Variants in SAMD9L observed in about 807,000 individuals in gnomAD.
SAMD9L encodes the protein sterile alpha motif domain containing 9 like.
SAMD9L carries 68 observed loss-of-function variants against 90.7 expected under a neutral mutation model. The ratio of observed to expected loss-of-function variants is 0.75; its 90% CI spans 0.62 to 0.92. The LOEUF (loss-of-function observed/expected upper bound fraction) is 0.92, where lower values mean the gene tolerates loss of function less well. Among genes scored for constraint, SAMD9L ranks in the 40% least tolerant of loss-of-function variants. The probability of loss-of-function intolerance (pLI) is 0.00; values close to 1 mark genes in which losing one functional copy is unlikely to be tolerated. For missense variants in SAMD9L, 1,604 were observed against 1,824.3 expected (o/e 0.88, Z 2.20); for synonymous variants, 640 against 630.1 (o/e 1.02, Z -0.23).
chr7:93,135,315 A>C lies in SAMD9L; in HGVS notation c.657T>G (p.Asn219Lys). The C allele has an allele frequency of 6.2e-7, 1 of 1,614,134 alleles. No individual in the cohort carries two copies. Among genetic ancestry groups the C allele is most frequent in the Non-Finnish European group, 8.5e-7 (1 of 1,179,996 alleles). The change falls in exon 5 of 5, where the codon AAT becomes AAG. Residue 219 changes from asparagine to lysine, a missense_variant. By Grantham distance (94) the Asn-to-Lys change is moderately conservative. This residue lies in a region of SAMD9L where 374 missense variants were observed against 363.6 expected (regional missense o/e 1.03). Coordinates refer to ENST00000318238, the MANE Select transcript of SAMD9L (RefSeq NM_152703.5). ...AAGCTGATGCAAATCGGAAGACTTC[A>C]TTGCTGAATTTCATCTTAATGTCCA... ...TEVDIKMKFSNEVFRFASACM... is the reference protein window; with the variant it reads ...TEVDIKMKFSKEVFRFASACM...
At chr7:93,147,814 C>T (rs142820223) in intron 1 of SAMD9L, among the ~76,000 whole-genome samples, 37 of 152,264 alleles carry the variant, frequency 2.4e-4, no homozygotes, top group African/African-American at 7.2e-4. Context: ...TAACATCTTA[C>T]GTTATGAAGA....
chr7:93,133,607 C>T lies in SAMD9L; in HGVS notation c.2365G>A (p.Ala789Thr). The part of the protein sequence containing the change: ...EQVINLVTYR[A>T]KSHQDYIPVL... ...GGAATGTAATCCTGATGGCTCTTTG[C>T]CCTATAGGTGACCAGATTGATCACT... Residue 789 changes from alanine (A) to threonine (T), a missense_variant, in exon 5 of 5, where the codon GCA becomes ACA. Physicochemically the swap from Ala to Thr is moderately conservative, Grantham distance 58 (BLOSUM62 0). This residue lies in a region of SAMD9L where 606 missense variants were observed against 717.6 expected (regional missense o/e 0.84). Coordinates refer to ENST00000318238, the MANE Select transcript of SAMD9L (RefSeq NM_152703.5). 1.2e-6 allele frequency: 2 copies of T among 1,613,750 alleles called. No homozygotes were observed. Among genetic ancestry groups the T allele is most frequent in the Non-Finnish European group, 1.7e-6 (2 of 1,179,826 alleles).
intron 4 of SAMD9L, among the ~76,000 whole-genome samples, chr7:93,138,832 G>T (rs1792565539): frequency 6.6e-6 from 1 of 152,142 alleles, no homozygotes; most frequent in Admixed American, 6.5e-5. Context: ...CTCTGCCGAG[G>T]CCCTAAGTGT....
chr7:93,131,787 G>T lies in SAMD9L; in HGVS notation c.4185C>A (p.Pro1395=). ...TAAGTGGTTGAATTAACTTGGAGTT[G>T]GGCTTTAGACAACTCAGAATAATGT... ...LANIILSCLK[P]NSKLIQPLTT... The change falls in exon 5 of 5, where the codon CCC becomes CCA. Residue 1395 remains proline (P), a synonymous_variant. Coordinates refer to ENST00000318238, the MANE Select transcript of SAMD9L (RefSeq NM_152703.5). The T allele has an allele frequency of 6.2e-7, 1 of 1,613,372 alleles. No individual in the cohort carries two copies. The highest frequency in any genetic ancestry group is 8.5e-7 in the Non-Finnish European group (1 of 1,179,780).
chr7:93,134,939 C>T lies in SAMD9L; in HGVS notation c.1033G>A (p.Glu345Lys). ...AGGATATCCCTAGAGCTAGCCCCTT[C>T]TCTTACAAACAGTGAAAGATTTTGG... Reference protein sequence around the residue: ...QNQNLSLFVREGASSRDILAN... With the variant: ...QNQNLSLFVRKGASSRDILAN... Residue 345 changes from glutamate to lysine, a missense_variant, in exon 5 of 5, where the codon GAA (glutamate) becomes AAA (lysine). Around this residue, in one of 7 missense-constraint regions of SAMD9L, gnomAD observed 374 missense variants for 363.6 expected, o/e 1.03. Coordinates refer to ENST00000318238, the MANE Select transcript of SAMD9L (RefSeq NM_152703.5). The T allele has an allele frequency of 6.2e-7, 1 of 1,613,728 alleles. No homozygotes were observed. Among genetic ancestry groups the T allele is most frequent in the Non-Finnish European group, 8.5e-7 (1 of 1,179,680 alleles).
chr7:93,137,409 T>C (rs1792498775), intron 4 of SAMD9L, among the ~76,000 whole-genome samples: 1 of 152,086 alleles, frequency 6.6e-6, no homozygotes, highest in African/African-American at 2.4e-5. Flanking sequence ...TGCACACTCC[T>C]TATGAGAATC....
intron 1 of SAMD9L, among the ~76,000 whole-genome samples, chr7:93,147,728 T>C (rs1476499273): frequency 2.0e-5 from 3 of 152,226 alleles, no homozygotes; most frequent in Non-Finnish European, 4.4e-5. Flanking sequence ...ATAAGATGTA[T>C]GTGAATGAAA....
chr7:93,137,814 G>A (rs1411828290), intron 4 of SAMD9L, among the ~76,000 whole-genome samples: 1 of 146,170 alleles, frequency 6.8e-6, no homozygotes, highest in East Asian at 2.0e-4. Flanking sequence ...AACCATCTGT[G>A]CTTGGAGCTT....
In SAMD9L at chr7:93,135,735, G is replaced by A; in HGVS notation, c.237C>T (p.Ser79=). 6.2e-7 allele frequency: 1 copy of A among 1,613,968 alleles called. No homozygotes were observed. Among genetic ancestry groups the A allele is most frequent in the Non-Finnish European group, 8.5e-7 (1 of 1,179,984 alleles). The change falls in exon 5 of 5, where the codon TCC becomes TCT. Residue 79 remains serine (S), a synonymous_variant. Coordinates refer to ENST00000318238, the MANE Select transcript of SAMD9L (RefSeq NM_152703.5). ...KRSYNKLNSK[S]PESDNHDPGQ... Reference sequence around the variant, plus strand: ...CCGGATCATGATTGTCACTTTCAGGGGACTTACTATTCAATTTGTTGTATG... The same window carrying A: ...CCGGATCATGATTGTCACTTTCAGGAGACTTACTATTCAATTTGTTGTATG...
At chr7:93,137,928 C>G (rs749991166) in intron 4 of SAMD9L, among the ~76,000 whole-genome samples, 10 of 152,016 alleles carry the variant, frequency 6.6e-5, no homozygotes, top group Non-Finnish European at 1.5e-4. Context: ...AGGAAACTTG[C>G]ACTACACATT....
At chr7:93,146,731 G>A (rs919516772) in intron 2 of SAMD9L, among the ~76,000 whole-genome samples, 152 bp downstream of exon 2, 1 of 152,168 alleles carries the variant, frequency 6.6e-6, no homozygotes, top group Non-Finnish European at 1.5e-5. Context: ...TCTCTTTACT[G>A]TGCTACCCGT....
rs1225457037 is a variant in SAMD9L, at chr7:93,133,195, G to A, written c.2777C>T (p.Ala926Val). 3.1e-6 allele frequency: 5 copies of A among 1,613,384 alleles called. No homozygotes were observed. The highest frequency in any genetic ancestry group is 4.5e-5 in the East Asian group (2 of 44,832). Residue 926 changes from alanine to valine, a missense_variant, in exon 5 of 5, where the codon GCT (alanine) becomes GTT (valine). Physicochemically the swap from Ala to Val is moderately conservative, Grantham distance 64. Coordinates refer to ENST00000318238, the MANE Select transcript of SAMD9L (RefSeq NM_152703.5). Reference protein sequence around the residue: ...SKEAQLISFLALLSSYVTDST... With the variant: ...SKEAQLISFLVLLSSYVTDST... The stretch of plus-strand genomic sequence containing the variant: ...GTCAGTAACATAAGAGCTGAGTAAA[G>A]CCAGGAAGGAAATGAGTTGTGCTTC...
At chr7:93,138,156 G>A (rs1282477503) in intron 4 of SAMD9L, among the ~76,000 whole-genome samples, 1 of 152,238 alleles carries the variant, frequency 6.6e-6, no homozygotes, top group African/African-American at 2.4e-5. Flanking sequence ...CGCTATAAAC[G>A]TATTTTAGAT....
At position 93,132,237 on chromosome 7, in the gene SAMD9L, T is replaced by G. The variant is rs746783172; in HGVS notation, c.3735A>C (p.Glu1245Asp). Residue 1245 changes from glutamate to aspartate, a missense_variant, in exon 5 of 5, where the codon GAA (glutamate) becomes GAC (aspartate). Coordinates refer to ENST00000318238, the MANE Select transcript of SAMD9L (RefSeq NM_152703.5). ...KWTIPPDPRN[E>D]CYLALSKFTS... The stretch of plus-strand genomic sequence containing the variant: ...TGAACTTGCTAAGAGCCAAATAACA[T>G]TCATTTCTGGGATCAGGAGGAATGG... The G allele has an allele frequency of 6.2e-7, 1 of 1,613,810 alleles. No individual in the cohort carries two copies. The highest frequency in any genetic ancestry group is 1.7e-5 in the Admixed American group (1 of 59,920).
chr7:93,141,028 C>T (rs1226717591), intron 4 of SAMD9L, among the ~76,000 whole-genome samples: 2 of 152,234 alleles, frequency 1.3e-5, no homozygotes, highest in African/African-American at 2.4e-5. Context: ...GCACTCCAAT[C>T]AGGCTTTGGC....
At chr7:93,143,079 G>A (rs1303522330) in intron 4 of SAMD9L, among the ~76,000 whole-genome samples, 1 of 152,162 alleles carries the variant, frequency 6.6e-6, no homozygotes, top group Non-Finnish European at 1.5e-5. Flanking sequence ...GTGTCTTTGT[G>A]TTACCTGACA....
intron 4 of SAMD9L, among the ~76,000 whole-genome samples, chr7:93,139,820 A>G (rs1017795399): frequency 6.6e-6 from 1 of 152,144 alleles, no homozygotes; most frequent in Non-Finnish European, 1.5e-5. Flanking sequence ...CCTCAGACCC[A>G]CTGCCTTTAG....
In SAMD9L at chr7:93,135,327, C is replaced by A. The variant is rs1473020774; in HGVS notation, c.645G>T (p.Met215Ile). 1 of 1,614,108 alleles carries A rather than the reference C, an allele frequency of 6.2e-7. No homozygotes were observed. Residue 215 changes from methionine to isoleucine, a missense_variant, in exon 5 of 5, where the codon ATG (methionine) becomes ATT (isoleucine). Transcript: ENST00000318238. The stretch of plus-strand genomic sequence containing the variant: ...ATCGGAAGACTTCATTGCTGAATTT[C>A]ATCTTAATGTCCACTTCCGTGGCTG... The part of the protein sequence containing the change: ...TETATEVDIK[M>I]KFSNEVFRFA...
chr7:93,134,876 A>G lies in SAMD9L; in HGVS notation c.1096T>C (p.Phe366Leu). The G allele has an allele frequency of 1.9e-6, 3 of 1,613,980 alleles. No homozygotes were observed. The highest frequency in any genetic ancestry group is 2.5e-6 in the Non-Finnish European group (3 of 1,179,932). Residue 366 changes from phenylalanine (F) to leucine (L), a missense_variant, in exon 5 of 5, where the codon TTT becomes CTT. Phe to Leu is a conservative substitution (Grantham distance 22). This residue lies in a region of SAMD9L where 606 missense variants were observed against 717.6 expected (regional missense o/e 0.84). Coordinates refer to ENST00000318238, the MANE Select transcript of SAMD9L (RefSeq NM_152703.5). ...ACCAGTGACTTTAAATTTTGTAAAA[A>G]TGCCTTGAAATCTACATCCCGTTGC... Reference protein sequence around the residue: ...SKQRDVDFKAFLQNLKSLVAS... With the variant: ...SKQRDVDFKALLQNLKSLVAS...
Sources: allele counts gnomAD v4.1 joint callset (sites outside exome capture counted in the v4.1 genomes callset), GRCh38; gene constraint gnomAD v4.1.1; regional missense constraint gnomAD v4.1.1; transcripts MANE v1.5; gene names NCBI Gene and HGNC (gene_info 2026-07-23, HGNC 2026-07-21).